The following ZNF808 variants were observed in gnomAD, a reference collection of about 807,000 sequenced individuals.
ZNF808 encodes zinc finger protein 808.
ZNF808 carries 5 observed loss-of-function variants against 8.7 expected under a neutral mutation model. The observed-to-expected ratio is 0.58, with a 90% CI of 0.30 to 1.21. The LOEUF is 1.21. Ranked by LOEUF, ZNF808 falls within the 50% of genes most tolerant of loss-of-function variation. The probability of loss-of-function intolerance (pLI) is 0.07; values close to 1 mark genes in which losing one functional copy is unlikely to be tolerated. For synonymous variants in ZNF808, 380 were observed against 366.0 expected (o/e 1.04, Z -0.44); for missense variants, 1,103 against 1,098.4 (o/e 1.00, Z -0.06).
At chr19:52,532,469 T>C (rs1439370785) in intron 1 of ZNF808, among the ~76,000 whole-genome samples, 1 of 152,216 alleles carries the variant, frequency 6.6e-6, no homozygotes, top group Non-Finnish European at 1.5e-5. Context: ...TTGGTTACCC[T>C]TACATAAGCT....
Position 52,555,218 on chromosome 19 carries a change from T to C in ZNF808, c.2302T>C (p.Cys768Arg). The C allele has an allele frequency of 1.2e-6, 2 of 1,614,128 alleles. No homozygotes were observed. The highest frequency in any genetic ancestry group is 1.7e-6 in the Non-Finnish European group (2 of 1,180,036). The change falls in exon 5 of 5, where the codon TGT becomes CGT. Residue 768 changes from cysteine (C) to arginine (R), a missense_variant. Transcript: ENST00000359798. ...TGAGAAACCTTACAAGTGTAACGAC[T>C]GTGGCAATACCTTCCGTCACTGGTC... ...SGEKPYKCND[C>R]GNTFRHWSSL...
chr19:52,551,148 T>C (rs1387135248), intron 4 of ZNF808, among the ~76,000 whole-genome samples: 1 of 152,072 alleles, frequency 6.6e-6, no homozygotes, highest in Non-Finnish European at 1.5e-5. Context: ...GGTCAGAAGT[T>C]CAAGACCAGC....
At position 52,553,782 on chromosome 19, in the gene ZNF808, G is replaced by A. The variant is rs577758507; in HGVS notation, c.866G>A (p.Cys289Tyr). The A allele has an allele frequency of 6.2e-7, 1 of 1,614,150 alleles. No homozygotes were observed. Residue 289 changes from cysteine to tyrosine, a missense_variant, in exon 5 of 5, where the codon TGT (cysteine) becomes TAT (tyrosine). Physicochemically the swap from Cys to Tyr is radical, Grantham distance 194. Coordinates refer to ENST00000359798, the MANE Select transcript of ZNF808 (RefSeq NM_001039886.4). ...RCHTGEKPYK[C>Y]KECGKSFSYK... is the part of the protein sequence containing the mutation. The stretch of plus-strand genomic sequence containing the variant: ...CACACTGGAGAGAAACCTTACAAGT[G>A]TAAAGAGTGTGGAAAGTCCTTCAGT...
intron 2 of ZNF808, chr19:52,536,158 T>C (rs1331910944): frequency 6.6e-6 from 1 of 152,496 alleles, no homozygotes; most frequent in African/African-American, 2.4e-5. Context: ...TCTTCCTTCA[T>C]CCAGAGCAAA....
chr19:52,535,432 T>C (rs1224912587), intron 2 of ZNF808, among the ~76,000 whole-genome samples: 1 of 151,678 alleles, frequency 6.6e-6, no homozygotes, highest in Admixed American at 6.6e-5. Flanking sequence ...TCACCCAGGC[T>C]GGCCTGGACC....
chr19:52,540,075 G>A (rs1243082384), intron 2 of ZNF808, among the ~76,000 whole-genome samples: 2 of 151,692 alleles, frequency 1.3e-5, no homozygotes, highest in Non-Finnish European at 1.5e-5. Context: ...CTAGTGGCAC[G>A]ACCTCGTCTC....
At chr19:52,541,412 C>T (rs1287696568) in intron 2 of ZNF808, among the ~76,000 whole-genome samples, 1 of 152,080 alleles carries the variant, frequency 6.6e-6, no homozygotes, top group East Asian at 1.9e-4. Context: ...CCAAGGCAGC[C>T]TATTGGCCCT....
chr19:52,552,183 A>AT (rs1007217611), intron 4 of ZNF808, among the ~76,000 whole-genome samples: 3 of 151,518 alleles, frequency 2.0e-5, no homozygotes, highest in Non-Finnish European at 4.4e-5. Context: ...ACGCCTGGCT[A>AT]TTTTTTTGTG....
At chr19:52,557,186 G>T (rs1226894089), downstream of ZNF808, among the ~76,000 whole-genome samples, 3 of 151,638 alleles carry the variant, frequency 2.0e-5, no homozygotes, top group African/African-American at 7.3e-5. Flanking sequence ...TGTCAGGCTG[G>T]TCTCAAACTC....
At chr19:52,549,732 T>C (rs1400473849) in intron 4 of ZNF808, among the ~76,000 whole-genome samples, 3 of 152,254 alleles carry the variant, frequency 2.0e-5, no homozygotes, top group East Asian at 1.9e-4. Context: ...TTGACTCACA[T>C]GATACATTGA....
chr19:52,551,719 G>T lies in ZNF808; in HGVS notation c.191-1388G>T, dbSNP rs879047868. 9.9e-5 allele frequency among the ~76,000 whole-genome samples: 15 copies of T among 152,212 alleles called. No homozygotes were observed. The East Asian group carries it at 2.9e-3, about 29-fold the overall frequency. ...ACTGCACTCGTTAATGTCACAAAGT[G>T]CCACCAGGTGCAGTGGCTCACACCT... is the stretch of plus-strand genomic sequence containing the variant. On this transcript the variant is annotated intron_variant, in intron 4 of 4. Transcript: ENST00000359798.
chr19:52,539,087 ACT>A (rs1478055391), intron 2 of ZNF808, among the ~76,000 whole-genome samples: 1 of 150,238 alleles, frequency 6.7e-6, no homozygotes, highest in African/African-American at 2.5e-5. Context: ...GAAGTGACTG[ACT>A]CTGTTACTAT....
intron 1 of ZNF808, among the ~76,000 whole-genome samples, chr19:52,528,328 C>G (rs767873546): frequency 1.3e-5 from 2 of 152,206 alleles, no homozygotes; most frequent in Non-Finnish European, 2.9e-5. Flanking sequence ...ACGCGCTCCT[C>G]CGGGATGCAG....
chr19:52,554,559 T>C lies in ZNF808; in HGVS notation c.1643T>C (p.Phe548Ser). 6.2e-7 allele frequency: 1 copy of C among 1,613,926 alleles called. No individual in the cohort carries two copies. Among genetic ancestry groups the C allele is most frequent in the East Asian group, 2.2e-5 (1 of 44,886 alleles). Reference protein sequence around the residue: ...SYKCTVCNKVFMRNSVLAVHT... With the variant: ...SYKCTVCNKVSMRNSVLAVHT... ...AAATGTACGGTTTGTAACAAGGTTT[T>C]CATGCGTAATTCAGTCCTGGCTGTA... The change falls in exon 5 of 5, where the codon TTC becomes TCC. Residue 548 changes from phenylalanine (F) to serine (S), a missense_variant. Coordinates refer to ENST00000359798, the MANE Select transcript of ZNF808 (RefSeq NM_001039886.4).
chr19:52,537,770 AC>A (rs1213494728), intron 2 of ZNF808, among the ~76,000 whole-genome samples: 1 of 151,716 alleles, frequency 6.6e-6, no homozygotes, highest in Non-Finnish European at 1.5e-5. Flanking sequence ...TGACATGTTG[AC>A]TTCTGTCTAT....
At chr19:52,530,320 A>G (rs764657479) in intron 1 of ZNF808, among the ~76,000 whole-genome samples, 2 of 152,048 alleles carry the variant, frequency 1.3e-5, no homozygotes, top group Non-Finnish European at 2.9e-5. Context: ...TCGGCCTCCC[A>G]AAGTGCTGGG....
At chr19:52,568,098 A>T (rs2059877110), downstream of ZNF808, among the ~76,000 whole-genome samples, 1 of 152,216 alleles carries the variant, frequency 6.6e-6, no homozygotes, top group African/African-American at 2.4e-5. Context: ...CTGGCCAGGC[A>T]TGCAGGCTCA....
chr19:52,554,210 T>C lies in ZNF808; in HGVS notation c.1294T>C (p.Cys432Arg), dbSNP rs1348389790. Reference sequence around the variant, plus strand: ...AGAGAAACCTTACAAATGTGAAGAATGTGACAAAGTTTTCAGTCAGAAATC... The same window carrying C: ...AGAGAAACCTTACAAATGTGAAGAACGTGACAAAGTTTTCAGTCAGAAATC... ...TGEKPYKCEE[C>R]DKVFSQKSTL... The change falls in exon 5 of 5, where the codon TGT becomes CGT. Residue 432 changes from cysteine to arginine, a missense_variant. Physicochemically the swap from Cys to Arg is radical, Grantham distance 180. Coordinates refer to ENST00000359798, the MANE Select transcript of ZNF808 (RefSeq NM_001039886.4). 1.2e-6 allele frequency: 2 copies of C among 1,613,628 alleles called. No homozygotes were observed. The highest frequency in any genetic ancestry group is 1.7e-6 in the Non-Finnish European group (2 of 1,179,740).
intron 1 of ZNF808, among the ~76,000 whole-genome samples, chr19:52,532,079 T>C (rs1004573980): frequency 7.2e-5 from 11 of 152,220 alleles, no homozygotes; most frequent in African/African-American, 2.7e-4. Context: ...TAGAATAGTT[T>C]ACTGATTAAT....
Sources: gnomAD v4.1 joint callset for allele counts (sites outside exome capture counted in the v4.1 genomes callset) on GRCh38, gnomAD v4.1.1 for gene constraint, MANE v1.5 for transcripts, NCBI Gene and HGNC (gene_info 2026-07-23, HGNC 2026-07-21) for gene names.